The following BIRC6 variants were observed in gnomAD, a reference collection of about 807,000 sequenced individuals.
BIRC6 encodes the protein baculoviral IAP repeat containing 6, also known as dual E2 ubiquitin-conjugating enzyme/E3 ubiquitin-protein ligase BIRC6.
A neutral mutation model predicts 503.3 loss-of-function variants in BIRC6; 98 were observed. The observed-to-expected ratio is 0.19, with a 90% CI of 0.17 to 0.23. The LOEUF (loss-of-function observed/expected upper bound fraction) is 0.23, where lower values mean the gene tolerates loss of function less well. Among genes scored for constraint, BIRC6 ranks in the 10% least tolerant of loss-of-function variants. BIRC6 has a pLI of 1.00. For missense variants in BIRC6, 5,360 were observed against 5,806.0 expected (o/e 0.92, Z 2.50); for synonymous variants, 2,240 against 2,078.7 (o/e 1.08, Z -2.11).
intron 71 of BIRC6, among the ~76,000 whole-genome samples, chr2:32,605,041 C>A (rs1258699025): frequency 6.6e-6 from 1 of 152,098 alleles, no homozygotes; most frequent in East Asian, 1.9e-4. Context: ...CACCACCACA[C>A]CCGGCTAATT....
chr2:32,512,983 T>A lies in BIRC6; in HGVS notation c.10397T>A (p.Met3466Lys). The A allele has an allele frequency of 6.2e-7, 1 of 1,613,978 alleles. No individual in the cohort carries two copies. The highest frequency in any genetic ancestry group is 8.5e-7 in the Non-Finnish European group (1 of 1,179,870). ...WVSDSARVAA[M>K]KRSGRMNYMC... is the part of the protein sequence containing the mutation. ...AGTGATTCTGCAAGAGTGGCTGCTA[T>A]GAAGAGAAGTGGCAGGATGAACTAC... Residue 3466 changes from methionine (M) to lysine (K), a missense_variant, in exon 54 of 74, where the codon ATG becomes AAG. Met to Lys is a moderately conservative substitution (Grantham distance 95). Coordinates refer to ENST00000421745, the MANE Select transcript of BIRC6 (RefSeq NM_016252.4).
chr2:32,599,957 T>C (rs1253053883), intron 70 of BIRC6, 57 bp downstream of exon 70: 5 of 1,532,410 alleles, frequency 3.3e-6, no homozygotes, highest in East Asian at 4.7e-5. Context: ...AAAGGTTCTT[T>C]GTAATTTGAA....
At chr2:32,471,372 A>T (rs1019386490) in intron 32 of BIRC6, among the ~76,000 whole-genome samples, 9 of 152,346 alleles carry the variant, frequency 5.9e-5, no homozygotes, top group African/African-American at 2.2e-4. Flanking sequence ...TGCAGCTATG[A>T]CTTTTGCAAG....
intron 23 of BIRC6, among the ~76,000 whole-genome samples, chr2:32,457,587 G>A (rs955452636): frequency 1.3e-5 from 2 of 151,942 alleles, no homozygotes; most frequent in Non-Finnish European, 2.9e-5. Flanking sequence ...ATATAGTCTA[G>A]ATTCCAGAAG....
intron 4 of BIRC6, among the ~76,000 whole-genome samples, chr2:32,389,730 CTT>C (rs2149529160): frequency 1.3e-5 from 2 of 152,288 alleles, no homozygotes; most frequent in South Asian, 4.1e-4. Context: ...GAGTTTCACT[CTT>C]GTCGCCTAGG....
intron 69 of BIRC6, among the ~76,000 whole-genome samples, 154 bp from the exon 70 acceptor site, chr2:32,599,585 C>T (rs929383244): frequency 1.3e-5 from 2 of 152,142 alleles, no homozygotes; most frequent in Non-Finnish European, 2.9e-5. Flanking sequence ...TTGCAGTGAG[C>T]CGAGATTGCG....
Position 32,435,995 on chromosome 2 carries a change from T to C in BIRC6, c.3500-58T>C, listed in dbSNP as rs139470147. 1,346 of 1,070,046 alleles carry C rather than the reference T, an allele frequency of 1.3e-3. 18 individuals are homozygous for C. The African/African-American group carries it at 0.019, about 15-fold the overall frequency. The allele number at this position is 1,070,046 out of a possible 1,614,324, so 66.3% of individuals were successfully genotyped here. Reference sequence around the variant, plus strand: ...TGTAAATGGGATGATATTTGCTTATTAAATATTACATTTTAAATGAATGAA... The same window carrying C: ...TGTAAATGGGATGATATTTGCTTATCAAATATTACATTTTAAATGAATGAA... On this transcript the variant is annotated intron_variant, in intron 14 of 73. Transcript: ENST00000421745.
At chr2:32,451,048 A>T (rs1419882475) in intron 22 of BIRC6, among the ~76,000 whole-genome samples, 1 of 152,188 alleles carries the variant, frequency 6.6e-6, no homozygotes, top group East Asian at 1.9e-4. Context: ...CCATGATCAC[A>T]AGTTACAGTC....
chr2:32,426,172 CT>C (rs1389413490), intron 10 of BIRC6, among the ~76,000 whole-genome samples: 1 of 152,042 alleles, frequency 6.6e-6, no homozygotes, highest in African/African-American at 2.4e-5. Flanking sequence ...TCTGATACTA[CT>C]TTTTTTTGAG....
At position 32,357,528 on chromosome 2, in the gene BIRC6, G is replaced by A. The variant is rs991404659; in HGVS notation, c.325+42G>A. On this transcript the variant is annotated intron_variant, in intron 1 of 73. Coordinates refer to ENST00000421745, the MANE Select transcript of BIRC6 (RefSeq NM_016252.4). The surrounding 1 kb of genome is among the most constrained non-coding windows in gnomAD (Gnocchi z 4.9). ...CCGGGCGGGCGCGAAGCCGGGGAAA[G>A]AAGCCGTCCAGCCCCGGGGCTCGGC... The A allele has an allele frequency of 6.5e-7, 1 of 1,531,116 alleles. No individual in the cohort carries two copies. The highest frequency in any genetic ancestry group is 1.4e-5 in the African/African-American group (1 of 70,700). 94.8% of individuals were successfully genotyped at this position (1,531,116 alleles called of 1,614,324 possible). A position where few individuals can be genotyped will look rare whatever the true frequency, so the allele number is the denominator to read the frequency against.
rs771631065 is a variant in BIRC6 at position 32,597,926 on chromosome 2, T to C, written c.13788T>C (p.Ser4596=). 6.2e-7 allele frequency: 1 copy of C among 1,613,632 alleles called. No homozygotes were observed. The highest frequency in any genetic ancestry group is 1.1e-5 in the South Asian group (1 of 91,076). ...STSLPLSSSS[S]VFVRCDEERL... is the part of the protein sequence containing the mutation. Reference sequence around the variant, plus strand: ...CACTGCCTCTGTCTTCATCCTCTAGTGTGTTTGTACGCTGTGATGAGGAGC... The same window carrying C: ...CACTGCCTCTGTCTTCATCCTCTAGCGTGTTTGTACGCTGTGATGAGGAGC... The change falls in exon 69 of 74, where the codon AGT becomes AGC. Residue 4596 remains serine, a synonymous_variant. Coordinates refer to ENST00000421745, the MANE Select transcript of BIRC6 (RefSeq NM_016252.4).
At chr2:32,574,239 C>G (rs72858107) in intron 65 of BIRC6, among the ~76,000 whole-genome samples, 1,620 of 149,832 alleles carry the variant, frequency 0.011, 35 homozygotes, top group African/African-American at 0.037. Flanking sequence ...TTGTCCTCCC[C>G]AGTTGCAGGG....
At chr2:32,439,829 T>G in intron 16 of BIRC6, 143 bp downstream of exon 16, 1 of 641,422 alleles carries the variant, frequency 1.6e-6, no homozygotes, top group Non-Finnish European at 2.5e-6. Context: ...TGGAGTGACT[T>G]AAATATATTT....
intron 22 of BIRC6, among the ~76,000 whole-genome samples, chr2:32,449,459 T>C (rs1184358917): frequency 6.6e-6 from 1 of 152,214 alleles, no homozygotes; most frequent in East Asian, 1.9e-4. Flanking sequence ...CATGACACTA[T>C]TTTTATAATC....
rs919810970 is a variant in BIRC6, at chr2:32,617,980, A to G, written c.*76A>G. On this transcript the variant is annotated 3_prime_UTR_variant, in exon 74 of 74. Coordinates refer to ENST00000421745, the MANE Select transcript of BIRC6 (RefSeq NM_016252.4). ...AATATGTCAATATTTGTATGTAAGA[A>G]ACTAATTATGTAATAGGTAATGAAA... is the stretch of plus-strand genomic sequence containing the variant. 7.2e-7 allele frequency: 1 copy of G among 1,385,426 alleles called. No individual in the cohort carries two copies. 85.8% of individuals were successfully genotyped at this position (1,385,426 alleles called of 1,614,324 possible).
intron 23 of BIRC6, among the ~76,000 whole-genome samples, chr2:32,461,007 C>G (rs1257087503): frequency 2.2e-4 from 8 of 36,214 alleles, no homozygotes; most frequent in African/African-American, 6.8e-4. Context: ...GCTCTCTTCT[C>G]TTCTCTTCTC....
In BIRC6 at chr2:32,468,696, T is replaced by G. The variant is rs2048812781; in HGVS notation, c.6040T>G (p.Leu2014Val). ...MLSETSNPED[L>V]IQTSSTEQLR... Reference sequence around the variant, plus strand: ...GAGTGAAACATCAAATCCAGAAGATTTAATTCAGACATCTTCCACAGAGCA... The same window carrying G: ...GAGTGAAACATCAAATCCAGAAGATGTAATTCAGACATCTTCCACAGAGCA... Residue 2014 changes from leucine to valine, a missense_variant, in exon 29 of 74, where the codon TTA becomes GTA. Leu to Val is a conservative substitution (Grantham distance 32). Around this residue, in one of 16 missense-constraint regions of BIRC6, gnomAD observed 2,299 missense variants for 2,267.2 expected, o/e 1.01. Transcript: ENST00000421745. 2 of 1,613,850 alleles carry G rather than the reference T, an allele frequency of 1.2e-6. No homozygotes were observed. Among genetic ancestry groups the G allele is most frequent in the African/African-American group, 2.7e-5 (2 of 74,922 alleles).
intron 72 of BIRC6, among the ~76,000 whole-genome samples, chr2:32,611,108 C>CTTTTTTT (rs1245765148): frequency 3.2e-5 from 4 of 126,168 alleles, no homozygotes; most frequent in Admixed American, 8.3e-5. Flanking sequence ...ATTAAATTGC[C>CTTTTTTT]TTTTTTTTTT....
intron 59 of BIRC6, chr2:32,527,778 TA>T (rs1324270492): frequency 6.6e-6 from 1 of 152,248 alleles, no homozygotes; most frequent in Non-Finnish European, 1.5e-5. Context: ...ACTTTGATAA[TA>T]ATGCTTCAGT....
Sources: gnomAD v4.1 joint callset for allele counts (sites outside exome capture counted in the v4.1 genomes callset) on GRCh38, gnomAD v4.1.1 for gene constraint, gnomAD v4.1.1 regional missense constraint, Gnocchi (gnomAD v3.1) non-coding constraint, MANE v1.5 for transcripts, NCBI Gene and HGNC (gene_info 2026-07-23, HGNC 2026-07-21) for gene names.